CLDN16: variants seen among roughly 807,000 people sequenced by gnomAD.
The protein encoded by CLDN16 is claudin-16.
Under a neutral mutation model 24.6 loss-of-function variants are expected in CLDN16, and 13 were observed. The observed-to-expected ratio is 0.53, with a 90% CI of 0.34 to 0.84. The LOEUF (loss-of-function observed/expected upper bound fraction) is 0.84. Among genes scored for constraint, CLDN16 ranks in the 40% least tolerant of loss-of-function variants. The pLI, the probability that CLDN16 is intolerant of heterozygous loss-of-function variation, is 0.01. For missense variants in CLDN16, 298 were observed against 292.7 expected, an observed-to-expected ratio of 1.02 and a Z score of -0.13; for synonymous variants, 116 against 106.7, an observed-to-expected ratio of 1.09 and a Z score of -0.54.
intron 1 of CLDN16, among the ~76,000 whole-genome samples, chr3:190,330,665 T>C (rs1217855392): frequency 6.6e-6 from 1 of 152,120 alleles, no homozygotes; most frequent in African/African-American, 2.4e-5. Flanking sequence ...AGGAGGAAGA[T>C]GTGAGAATCG....
At chr3:190,336,020 C>T (rs142131499) in intron 1 of CLDN16, among the ~76,000 whole-genome samples, 236 of 152,116 alleles carry the variant, frequency 1.6e-3, no homozygotes, top group Middle Eastern at 0.01. Context: ...TTTACAGTGT[C>T]TTTGGCATTT....
At chr3:190,408,145 C>G (rs902174259) in intron 3 of CLDN16, among the ~76,000 whole-genome samples, 169 bp from the exon 4 acceptor site, 2 of 152,124 alleles carry the variant, frequency 1.3e-5, no homozygotes. Context: ...AGATGGAAGG[C>G]AAAAGGAAGA....
the CLDN16 span, among the ~76,000 whole-genome samples, chr3:190,297,400 T>C: frequency 6.7e-6 from 1 of 149,184 alleles, no homozygotes; most frequent in Non-Finnish European, 1.5e-5. Context: ...ATTGAAGATA[T>C]AGGCTTTCAT....
the CLDN16 span, among the ~76,000 whole-genome samples, chr3:190,293,826 T>C: frequency 6.6e-6 from 1 of 152,122 alleles, no homozygotes; most frequent in Non-Finnish European, 1.5e-5. Flanking sequence ...TTTTGTTTTG[T>C]TTGCTGTTGG....
At chr3:190,397,088 T>C (rs1718839588) in intron 1 of CLDN16, among the ~76,000 whole-genome samples, 1 of 152,156 alleles carries the variant, frequency 6.6e-6, no homozygotes, top group African/African-American at 2.4e-5. Context: ...ACCAAGTTTC[T>C]AAGGGAACCC....
At chr3:190,315,244 A>G in the CLDN16 span, among the ~76,000 whole-genome samples, 11 of 152,310 alleles carry the variant, frequency 7.2e-5, no homozygotes, top group Middle Eastern at 3.4e-3. Flanking sequence ...AAGATGATCC[A>G]TGTCTGGAGG....
rs375150135 is a variant in CLDN16, at chr3:190,338,635, T to C, written n.121+15974T>C. 6.6e-5 allele frequency among the ~76,000 whole-genome samples: 10 copies of C among 152,242 alleles called. No homozygotes were observed. In the East Asian group the frequency reaches 1.9e-3, roughly 29 times the overall value. Reference sequence around the variant, plus strand: ...AAGTCCTAGCTGAGTGTAAAAGGAATCTATAATTGTAGCTGACAGGGATAA... The same window carrying C: ...AAGTCCTAGCTGAGTGTAAAAGGAACCTATAATTGTAGCTGACAGGGATAA... On this transcript the variant is annotated intron_variant and non_coding_transcript_variant, in intron 1 of 4. Coordinates refer to the CLDN16 transcript ENST00000468220.
intron 1 of CLDN16, among the ~76,000 whole-genome samples, chr3:190,364,668 T>C (rs963909858): frequency 1.3e-5 from 2 of 151,892 alleles, no homozygotes; most frequent in South Asian, 2.1e-4. Context: ...CTGGCTCAAG[T>C]GGTAAGGCTG....
intron 1 of CLDN16, among the ~76,000 whole-genome samples, chr3:190,351,864 A>T (rs552618398): frequency 1.1e-4 from 17 of 152,244 alleles, no homozygotes; most frequent in Non-Finnish European, 2.2e-4. Flanking sequence ...GGCCACTGGG[A>T]ATTATATTCT....
the CLDN16 span, among the ~76,000 whole-genome samples, chr3:190,293,860 G>T: frequency 2.9e-3 from 448 of 152,246 alleles, 6 homozygotes; most frequent in African/African-American, 0.01. Context: ...GTCTAAAAGA[G>T]GGAGGACAGA....
At chr3:190,317,549 T>C (rs1027022835), upstream of CLDN16, among the ~76,000 whole-genome samples, 26 of 152,354 alleles carry the variant, frequency 1.7e-4, no homozygotes, top group African/African-American at 6.0e-4. Context: ...CTTGAAAGTC[T>C]TGCTACACAA....
chr3:190,407,887 C>G (rs141841751), intron 3 of CLDN16, among the ~76,000 whole-genome samples: 2 of 152,148 alleles, frequency 1.3e-5, no homozygotes, highest in African/African-American at 2.4e-5. Context: ...GATATTTACT[C>G]ACAATTTAAA....
chr3:190,374,886 G>A (rs1391177717), intron 3 of CLDN16, among the ~76,000 whole-genome samples: 1 of 151,888 alleles, frequency 6.6e-6, no homozygotes, highest in Non-Finnish European at 1.5e-5. Context: ...GAGAATATAA[G>A]CAGAGAGTAA....
At chr3:190,302,309 G>T in the CLDN16 span, among the ~76,000 whole-genome samples, 6 of 152,084 alleles carry the variant, frequency 3.9e-5, no homozygotes, top group Admixed American at 3.9e-4. Flanking sequence ...TGTTTAATAA[G>T]CTATATAATT....
chr3:190,409,387 G>C (rs1215539929), intron 4 of CLDN16, among the ~76,000 whole-genome samples: 1 of 150,716 alleles, frequency 6.6e-6, no homozygotes, highest in Non-Finnish European at 1.5e-5. Flanking sequence ...CTTTATAATT[G>C]TATGCATATA....
chr3:190,330,898 T>A (rs961490470), intron 1 of CLDN16, among the ~76,000 whole-genome samples: 1 of 152,214 alleles, frequency 6.6e-6, no homozygotes, highest in African/African-American at 2.4e-5. Flanking sequence ...AATCTGCTAC[T>A]CTTTCAGCCT....
At chr3:190,298,468 T>G in the CLDN16 span, among the ~76,000 whole-genome samples, 1 of 145,258 alleles carries the variant, frequency 6.9e-6, no homozygotes, top group Non-Finnish European at 1.5e-5. Flanking sequence ...TTTTTTTTTG[T>G]ATTTGAGACG....
intron 2 of CLDN16, among the ~76,000 whole-genome samples, chr3:190,373,353 C>T (rs996865518): frequency 8.6e-5 from 13 of 151,924 alleles, no homozygotes; most frequent in African/African-American, 9.7e-5. Context: ...TTTACACCTA[C>T]GACCACAGCA....
At chr3:190,307,894 T>G in the CLDN16 span, 1 of 168,814 alleles carries the variant, frequency 5.9e-6, no homozygotes, top group Admixed American at 5.7e-5. Flanking sequence ...TTTACCTATT[T>G]TAGAGATATT....
Sources: gnomAD v4.1 joint callset for allele counts (sites outside exome capture counted in the v4.1 genomes callset) on GRCh38, gnomAD v4.1.1 for gene constraint, MANE v1.5 for transcripts, NCBI Gene and HGNC (gene_info 2026-07-23, HGNC 2026-07-21) for gene names.